The following INPP4A variants were observed in gnomAD, a reference collection of about 807,000 sequenced individuals.
INPP4A encodes the protein inositol polyphosphate-4-phosphatase, type I, 107kD.
A neutral mutation model predicts 119.8 loss-of-function variants in INPP4A; 33 were observed. The observed-to-expected ratio is 0.28, with a 90% CI of 0.21 to 0.37. INPP4A has a LOEUF of 0.37. Ranked by LOEUF, INPP4A falls within the 10% of genes least tolerant of loss-of-function variation. INPP4A has a pLI of 1.00. For missense variants in INPP4A, 956 were observed against 1,289.9 expected, an observed-to-expected ratio of 0.74 and a Z score of 3.97; for synonymous variants, 496 against 500.7, an observed-to-expected ratio of 0.99 and a Z score of 0.12.
In INPP4A at chr2:98,545,950, C is replaced by A; in HGVS notation, c.950-19C>A. On this transcript the variant is annotated intron_variant, in intron 11 of 24. Transcript: ENST00000409851. ...CATGTATGCTGATGGCCTTTATCTT[C>A]TCCTATTCCATTTCTTAGGGCCCTC... The A allele has an allele frequency of 6.5e-7, 1 of 1,547,282 alleles. No homozygotes were observed. The highest frequency in any genetic ancestry group is 2.3e-5 in the East Asian group (1 of 42,850).
chr2:98,553,036 GC>G, intron 14 of INPP4A, 67 bp downstream of exon 14: 1 of 1,321,842 alleles, frequency 7.6e-7, no homozygotes, highest in Non-Finnish European at 1.0e-6. Context: ...CCACCAGGCA[GC>G]CCAGGTGTAC....
At chr2:98,520,202 A>C in intron 3 of INPP4A, 48 bp downstream of exon 3, 1 of 1,384,930 alleles carries the variant, frequency 7.2e-7, no homozygotes, top group Non-Finnish European at 1.0e-6. Flanking sequence ...AGCTCACAGC[A>C]CCTGGGCTCC....
intron 1 of INPP4A, among the ~76,000 whole-genome samples, chr2:98,468,135 A>T (rs1574555392): frequency 3.9e-5 from 6 of 152,376 alleles, no homozygotes; most frequent in Admixed American, 3.9e-4. Flanking sequence ...AACCCTGAGT[A>T]AATCTTAGTG....
At position 98,588,634 on chromosome 2, in the gene INPP4A, CTA is replaced by C. The variant is rs1700160986; in HGVS notation, c.*1028_*1029del. 2 of 223,642 alleles carry C rather than the reference CTA, an allele frequency of 8.9e-6. No homozygotes were observed. The highest frequency in any genetic ancestry group is 1.8e-4 in the South Asian group (1 of 5,482). 13.9% of individuals were successfully genotyped at this position (223,642 alleles called of 1,614,324 possible). ...TTATTCTCATTCTTATGTAAGATGA[CTA>C]TTGAGAAACAGTTGAAATTTATTCT... On this transcript the variant is annotated 3_prime_UTR_variant, in exon 25 of 25. Transcript: ENST00000409851.
chr2:98,523,614 T>C (rs1687651101), intron 4 of INPP4A, among the ~76,000 whole-genome samples: 1 of 152,166 alleles, frequency 6.6e-6, no homozygotes, highest in African/African-American at 2.4e-5. Context: ...CAGGATGGTC[T>C]CGATCTCCTG....
chr2:98,483,379 C>A (rs1678874174), intron 1 of INPP4A, among the ~76,000 whole-genome samples: 1 of 152,188 alleles, frequency 6.6e-6, no homozygotes, highest in Non-Finnish European at 1.5e-5. Context: ...TGCTTGTGGT[C>A]AGAAACAGGT....
chr2:98,512,581 A>T (rs1277574353), intron 1 of INPP4A, among the ~76,000 whole-genome samples: 1 of 152,194 alleles, frequency 6.6e-6, no homozygotes, highest in East Asian at 1.9e-4. Flanking sequence ...AGAGACAGAG[A>T]GGAAATCGGG....
rs1314332372 is a variant in INPP4A at position 98,554,248 on chromosome 2, C to T, written c.1348-23C>T. ...CCAGCCCCTGGCCTGGGCTCAGCAGCCTTGGTTTGTGTGCACCTGCAGACA... is the reference window on the plus strand; with the variant it reads ...CCAGCCCCTGGCCTGGGCTCAGCAGTCTTGGTTTGTGTGCACCTGCAGACA... On this transcript the variant is annotated intron_variant, in intron 14 of 24. Coordinates refer to ENST00000409851, the MANE Select transcript of INPP4A (RefSeq NM_001134225.2). This position sits in a 1 kb window ranked among gnomAD's most constrained non-coding sequence, Gnocchi z 4.7. 1.9e-6 allele frequency: 3 copies of T among 1,573,458 alleles called. No homozygotes were observed. The highest frequency in any genetic ancestry group is 2.6e-6 in the Non-Finnish European group (3 of 1,158,700).
chr2:98,485,705 G>A (rs933405003), intron 1 of INPP4A, among the ~76,000 whole-genome samples: 1 of 152,204 alleles, frequency 6.6e-6, no homozygotes, highest in African/African-American at 2.4e-5. Flanking sequence ...ATTTTTAAAT[G>A]AGATGTGTGG....
At chr2:98,489,783 C>T (rs1294545593) in intron 1 of INPP4A, among the ~76,000 whole-genome samples, 2 of 151,986 alleles carry the variant, frequency 1.3e-5, no homozygotes, top group Admixed American at 6.5e-5. Context: ...GGGAGGGAGA[C>T]GAAGTAGGGC....
rs192502456 is a variant in INPP4A at position 98,517,459 on chromosome 2, C to T, written c.-165-1505C>T. Among the ~76,000 whole-genome samples the T allele has an allele frequency of 1.8e-4, 28 of 152,276 alleles. No homozygotes were observed. The East Asian group carries it at 4.6e-3, about 25-fold the overall frequency. On this transcript the variant is annotated intron_variant, in intron 1 of 24. Transcript: ENST00000409851. Reference sequence around the variant, plus strand: ...GTTTTCCAGCGCGGGTGACTATTTACGCTCTACCAGTAGTATCACTTCCAG... The same window carrying T: ...GTTTTCCAGCGCGGGTGACTATTTATGCTCTACCAGTAGTATCACTTCCAG...
chr2:98,467,472 T>G (rs906215145), intron 1 of INPP4A, among the ~76,000 whole-genome samples: 5 of 152,220 alleles, frequency 3.3e-5, no homozygotes, highest in African/African-American at 1.2e-4. Flanking sequence ...TATGTTGCTG[T>G]TAAGACTGTG....
At chr2:98,494,581 T>C (rs979547199) in intron 1 of INPP4A, among the ~76,000 whole-genome samples, 1 of 151,952 alleles carries the variant, frequency 6.6e-6, no homozygotes, top group Non-Finnish European at 1.5e-5. Flanking sequence ...GATACTGACT[T>C]TGTTTATAAA....
intron 6 of INPP4A, 37 bp downstream of exon 6, chr2:98,535,882 C>A: frequency 9.4e-7 from 1 of 1,065,776 alleles, no homozygotes; most frequent in Non-Finnish European, 1.4e-6. Context: ...GATTTTCTTC[C>A]CTTTGAAAAA....
At chr2:98,540,641 A>G (rs964175003) in intron 10 of INPP4A, among the ~76,000 whole-genome samples, 2 of 152,248 alleles carry the variant, frequency 1.3e-5, no homozygotes, top group Non-Finnish European at 2.9e-5. Context: ...GAGGGCCTTC[A>G]TGCTGCACCA....
At chr2:98,448,353 CAA>C (rs571844955) in intron 1 of INPP4A, among the ~76,000 whole-genome samples, 15,083 of 99,376 alleles carry the variant, frequency 0.15, 671 homozygotes, top group East Asian at 0.3. Context: ...GAGACTGTCT[CAA>C]AAAAAAAAAA....
At chr2:98,475,609 C>A (rs1677043957) in intron 1 of INPP4A, among the ~76,000 whole-genome samples, 1 of 152,184 alleles carries the variant, frequency 6.6e-6, no homozygotes, top group South Asian at 2.1e-4. Flanking sequence ...TTTACAGATA[C>A]TTTGTTTTTT....
chr2:98,575,574 C>A (rs1414157803), intron 23 of INPP4A, among the ~76,000 whole-genome samples: 3 of 152,038 alleles, frequency 2.0e-5, no homozygotes, highest in Non-Finnish European at 2.9e-5. Flanking sequence ...TCAGAAGAAG[C>A]CTATTCTCCT....
intron 4 of INPP4A, among the ~76,000 whole-genome samples, chr2:98,523,140 A>G (rs1574902406): frequency 6.6e-6 from 1 of 152,350 alleles, no homozygotes; most frequent in Middle Eastern, 3.4e-3. Context: ...CTTAACTTTC[A>G]TCATGACAAT....
Sources: gnomAD v4.1 joint callset for allele counts (sites outside exome capture counted in the v4.1 genomes callset) on GRCh38, gnomAD v4.1.1 for gene constraint, Gnocchi (gnomAD v3.1) non-coding constraint, MANE v1.5 for transcripts, NCBI Gene and HGNC (gene_info 2026-07-23, HGNC 2026-07-21) for gene names.